CAB39L: variants seen among roughly 807,000 people sequenced by gnomAD.
CAB39L encodes calcium binding protein 39 like, also known as calcium-binding protein 39-like.
Under a neutral mutation model 39.1 loss-of-function variants are expected in CAB39L, and 23 were observed. The ratio of observed to expected loss-of-function variants is 0.59; its 90% CI spans 0.42 to 0.83. The LOEUF (loss-of-function observed/expected upper bound fraction) is 0.83. Ranked by LOEUF, CAB39L falls within the 40% of genes least tolerant of loss-of-function variation. CAB39L has a pLI of 0.00. For missense variants in CAB39L, 366 were observed against 391.9 expected, an observed-to-expected ratio of 0.93 and a Z score of 0.56; for synonymous variants, 126 against 137.2, an observed-to-expected ratio of 0.92 and a Z score of 0.57.
In CAB39L at chr13:49,310,803, C is replaced by G. The variant is rs200903258; in HGVS notation, c.*11G>C. On this transcript the variant is annotated 3_prime_UTR_variant, in exon 11 of 11. Coordinates refer to ENST00000409308, the MANE Select transcript of CAB39L (RefSeq NM_001079670.3). ...TGAGACGACTGACTGTGACAGGGGC[C>G]GGGGAGCTCTTCAAGGGGCCGTTTT... The G allele has an allele frequency of 4.3e-6, 7 of 1,612,630 alleles. No individual in the cohort carries two copies. The highest frequency in any genetic ancestry group is 2.2e-5 in the East Asian group (1 of 44,862).
At chr13:49,385,872 C>G (rs1956346554) in intron 3 of CAB39L, among the ~76,000 whole-genome samples, 1 of 151,936 alleles carries the variant, frequency 6.6e-6, no homozygotes, top group Admixed American at 6.6e-5. Context: ...TATGTACTAA[C>G]AATGAAAAAG....
At chr13:49,436,994 C>T (rs1469556911) in intron 1 of CAB39L, among the ~76,000 whole-genome samples, 1 of 152,080 alleles carries the variant, frequency 6.6e-6, no homozygotes, top group East Asian at 1.9e-4. Flanking sequence ...TGGGCTCGAA[C>T]TCCTGGGCTC....
chr13:49,309,533 C>A lies in CAB39L; in HGVS notation c.*1281G>T, dbSNP rs1953928776. On this transcript the variant is annotated 3_prime_UTR_variant, in exon 11 of 11. Transcript: ENST00000409308. ...CTGAAGTGTAAAAAATACAGATCAACAATTGTGCCTTTCATTCTTGTAAAA... is the reference window on the plus strand; with the variant it reads ...CTGAAGTGTAAAAAATACAGATCAAAAATTGTGCCTTTCATTCTTGTAAAA... 1 of 152,222 alleles carries A rather than the reference C, an allele frequency of 6.6e-6. No homozygotes were observed. Among genetic ancestry groups the A allele is most frequent in the Non-Finnish European group, 1.5e-5 (1 of 68,036 alleles). The allele number at this position is 152,222 out of a possible 1,614,324, so 9.4% of individuals were successfully genotyped here.
At chr13:49,404,998 G>A (rs763160862) in intron 3 of CAB39L, among the ~76,000 whole-genome samples, 4 of 152,242 alleles carry the variant, frequency 2.6e-5, no homozygotes, top group African/African-American at 7.2e-5. Flanking sequence ...GAGAGAGATC[G>A]GGGTAGAGAG....
At chr13:49,391,639 T>C (rs1956490698) in intron 3 of CAB39L, among the ~76,000 whole-genome samples, 1 of 152,176 alleles carries the variant, frequency 6.6e-6, no homozygotes, top group African/African-American at 2.4e-5. Flanking sequence ...TTTAAGTCTC[T>C]GGGTTTTCTA....
At chr13:49,336,275 A>G (rs1566071524) in intron 9 of CAB39L, among the ~76,000 whole-genome samples, 1 of 152,230 alleles carries the variant, frequency 6.6e-6, no homozygotes. Flanking sequence ...AACATTAAAA[A>G]AAACCAGCTC....
intron 3 of CAB39L, among the ~76,000 whole-genome samples, chr13:49,410,797 C>G (rs1956975135): frequency 6.6e-6 from 1 of 151,656 alleles, no homozygotes; most frequent in South Asian, 2.1e-4. Flanking sequence ...AGGTAATTTA[C>G]TGAATGGAAA....
At chr13:49,390,386 ATAG>A (rs1433714663) in intron 3 of CAB39L, among the ~76,000 whole-genome samples, 1 of 152,154 alleles carries the variant, frequency 6.6e-6, no homozygotes. Flanking sequence ...TCCTGGGATA[ATAG>A]GCGTGAGCCA....
intron 3 of CAB39L, among the ~76,000 whole-genome samples, chr13:49,432,037 G>A (rs962312153): frequency 6.6e-5 from 10 of 152,094 alleles, no homozygotes; most frequent in Admixed American, 3.3e-4. Flanking sequence ...ACAAAAAAAC[G>A]AGTATTTATT....
chr13:49,312,730 T>C (rs1375357854), intron 10 of CAB39L, among the ~76,000 whole-genome samples: 1 of 152,262 alleles, frequency 6.6e-6, no homozygotes, highest in Non-Finnish European at 1.5e-5. Flanking sequence ...GTGGGAGCTA[T>C]CTATGAACAT....
chr13:49,312,501 C>G (rs1482033338), intron 10 of CAB39L, among the ~76,000 whole-genome samples: 1 of 152,224 alleles, frequency 6.6e-6, no homozygotes. Flanking sequence ...TGGTAACATG[C>G]TGCACAGGTT....
At chr13:49,349,453 TAC>T (rs1233436947) in intron 7 of CAB39L, among the ~76,000 whole-genome samples, 1 of 133,658 alleles carries the variant, frequency 7.5e-6, no homozygotes, top group African/African-American at 3.0e-5. Context: ...TGAATCTGAA[TAC>T]ATATATATAT....
Position 49,382,842 on chromosome 13 carries a change from G to T in CAB39L, c.69C>A (p.Asp23Glu), listed in dbSNP as rs1026726252. Reference sequence around the variant, plus strand: ...CTTGCTTTTCCAAAATGGCCAAATTGTCTTTCAGGATTTTCACAATTTCTG... The same window carrying T: ...CTTGCTTTTCCAAAATGGCCAAATTTTCTTTCAGGATTTTCACAATTTCTG... ...NPAEIVKILK[D>E]NLAILEKQDK... Residue 23 changes from aspartate (D) to glutamate (E), a missense_variant, in exon 4 of 11, where the codon GAC becomes GAA. By Grantham distance (45) the Asp-to-Glu change is conservative. Transcript: ENST00000409308. 6.2e-7 allele frequency: 1 copy of T among 1,611,078 alleles called. No individual in the cohort carries two copies. Among genetic ancestry groups the T allele is most frequent in the Non-Finnish European group, 8.5e-7 (1 of 1,178,766 alleles).
chr13:49,310,836 T>C lies in CAB39L; in HGVS notation c.992A>G (p.Asp331Gly). ...EKNYLIKQIR[D>G]LKKTAP is the part of the protein sequence containing the mutation. The stretch of plus-strand genomic sequence containing the variant: ...TCTTCAAGGGGCCGTTTTCTTCAAG[T>C]CTCGGATCTGTTTAATCAAGTAGTT... The change falls in exon 11 of 11, where the codon GAC (aspartate) becomes GGC (glycine). Residue 331 changes from aspartate (D) to glycine (G), a missense_variant. Coordinates refer to ENST00000409308, the MANE Select transcript of CAB39L (RefSeq NM_001079670.3). 1.2e-6 allele frequency: 2 copies of C among 1,614,114 alleles called. No individual in the cohort carries two copies. The highest frequency in any genetic ancestry group is 1.1e-5 in the South Asian group (1 of 91,078).
At chr13:49,417,969 G>A (rs1402111304) in intron 3 of CAB39L, among the ~76,000 whole-genome samples, 2 of 152,160 alleles carry the variant, frequency 1.3e-5, no homozygotes, top group Admixed American at 6.5e-5. Flanking sequence ...GTAAAATGGA[G>A]CAGCTGCTTT....
chr13:49,332,873 G>T (rs1346589496), intron 9 of CAB39L, among the ~76,000 whole-genome samples: 1 of 151,816 alleles, frequency 6.6e-6, no homozygotes, highest in Non-Finnish European at 1.5e-5. Flanking sequence ...GAAACATACT[G>T]TAATATAACT....
At chr13:49,346,544 G>C (rs1955183376) in intron 7 of CAB39L, among the ~76,000 whole-genome samples, 1 of 152,056 alleles carries the variant, frequency 6.6e-6, no homozygotes, top group Non-Finnish European at 1.5e-5. Flanking sequence ...TGAAAAATCT[G>C]ATATCTATAT....
At chr13:49,404,533 C>T (rs942655324) in intron 3 of CAB39L, among the ~76,000 whole-genome samples, 3 of 151,306 alleles carry the variant, frequency 2.0e-5, no homozygotes, top group African/African-American at 7.3e-5. Context: ...CAATGACAAA[C>T]ATCCAGAAGC....
chr13:49,400,301 C>T (rs1419830388), intron 3 of CAB39L, among the ~76,000 whole-genome samples: 2 of 151,980 alleles, frequency 1.3e-5, no homozygotes, highest in African/African-American at 2.4e-5. Flanking sequence ...TGATTACATG[C>T]CTCCCTCCAT....
Sources: gnomAD v4.1 joint callset for allele counts (sites outside exome capture counted in the v4.1 genomes callset) on GRCh38, gnomAD v4.1.1 for gene constraint, MANE v1.5 for transcripts, NCBI Gene and HGNC (gene_info 2026-07-23, HGNC 2026-07-21) for gene names.